The following HPGD variants were observed in gnomAD, a reference collection of about 807,000 sequenced individuals.
HPGD encodes the protein 15-hydroxyprostaglandin dehydrogenase [NAD(+)].
HPGD carries 29 observed loss-of-function variants against 30.0 expected under a neutral mutation model. That is an observed-to-expected ratio of 0.97 (90% CI 0.72 to 1.32). The LOEUF is 1.32. Among genes scored for constraint, HPGD ranks in the 40% most tolerant of loss-of-function variants. The pLI is 0.00. For synonymous variants in HPGD, 99 were observed against 112.4 expected (o/e 0.88, Z 0.75); for missense variants, 340 against 322.1 (o/e 1.06, Z -0.43).
At chr4:174,511,814 A>T (rs1017370429) in intron 3 of HPGD, among the ~76,000 whole-genome samples, 3 of 151,892 alleles carry the variant, frequency 2.0e-5, no homozygotes, top group Non-Finnish European at 4.4e-5. Flanking sequence ...GCCCGGCTAA[A>T]TTTTTGTATT....
At chr4:174,515,314 T>C (rs1735715320) in intron 3 of HPGD, among the ~76,000 whole-genome samples, 1 of 151,964 alleles carries the variant, frequency 6.6e-6, no homozygotes, top group South Asian at 2.1e-4. Flanking sequence ...CAAAAACAGA[T>C]ATATAGACCA....
Position 174,508,686 on chromosome 4 carries a change from T to C in HPGD, c.421+10A>G. The stretch of plus-strand genomic sequence containing the variant: ...GAAAATGTTACATTTAATGTAATAA[T>C]TGCCCTTACCTGCTAAAGATGACAT... On this transcript the variant is annotated intron_variant, in intron 4 of 6. Coordinates refer to ENST00000296522, the MANE Select transcript of HPGD (RefSeq NM_000860.6). 2 of 1,488,168 alleles carry C rather than the reference T, an allele frequency of 1.3e-6. No individual in the cohort carries two copies. The highest frequency in any genetic ancestry group is 1.9e-6 in the Non-Finnish European group (2 of 1,065,382). The allele number at this position is 1,488,168 out of a possible 1,614,324, so 92.2% of individuals were successfully genotyped here.
chr4:174,518,069 TAA>T lies in HPGD; in HGVS notation c.224_225del (p.Phe75Ter). The T allele has an allele frequency of 3.3e-6, 5 of 1,494,730 alleles. No individual in the cohort carries two copies. The highest frequency in any genetic ancestry group is 4.7e-6 in the Non-Finnish European group (5 of 1,071,914). The allele number at this position is 1,494,730 out of a possible 1,614,324, so 92.6% of individuals were successfully genotyped here. On this transcript the variant is annotated frameshift_variant, in exon 3 of 7. Transcript: ENST00000296522. LOFTEE classifies it high-confidence loss of function. ...VADQQQLRDT[F>X]RKVVDHFGRL... Reference sequence around the variant, plus strand: ...CTTCCAAAGTGGTCTACAACTTTTCTAAAAGTGTCTAATTATAAAACAAGATA... The same window carrying T: ...CTTCCAAAGTGGTCTACAACTTTTCTAAGTGTCTAATTATAAAACAAGATA...
At chr4:174,508,403 C>T (rs1473822490) in intron 4 of HPGD, among the ~76,000 whole-genome samples, 1 of 151,998 alleles carries the variant, frequency 6.6e-6, no homozygotes, top group African/African-American at 2.4e-5. Flanking sequence ...TGCATTATTG[C>T]TTAGGAGTCT....
chr4:174,495,239 G>A, intron 5 of HPGD: 1 of 366,550 alleles, frequency 2.7e-6, no homozygotes, highest in South Asian at 2.6e-5. Context: ...TTGCATTTCA[G>A]AAAAGCTGAA....
At position 174,490,300 on chromosome 4, in the gene HPGD, T is replaced by C. The variant is rs968297459; in HGVS notation, c.*1656A>G. The C allele has an allele frequency of 1.3e-5, 2 of 152,370 alleles. No homozygotes were observed. Among genetic ancestry groups the C allele is most frequent in the Non-Finnish European group, 2.9e-5 (2 of 68,038 alleles). The allele number at this position is 152,370 out of a possible 1,614,324, so 9.4% of individuals were successfully genotyped here. ...AGATTTAAAGTAAGTTTTTAACTTA[T>C]GTAACTCACATTTTTCAATTCTACT... On this transcript the variant is annotated 3_prime_UTR_variant, in exon 7 of 7. Coordinates refer to ENST00000296522, the MANE Select transcript of HPGD (RefSeq NM_000860.6). This position sits in a 1 kb window ranked among gnomAD's most constrained non-coding sequence, Gnocchi z 4.4.
chr4:174,516,752 G>A (rs1272793220), intron 3 of HPGD, among the ~76,000 whole-genome samples: 3 of 152,158 alleles, frequency 2.0e-5, no homozygotes, highest in Non-Finnish European at 4.4e-5. Flanking sequence ...TCTTCTCAAG[G>A]TAGGACTTAC....
At chr4:174,513,049 T>A (rs761895035) in intron 3 of HPGD, among the ~76,000 whole-genome samples, 5 of 152,224 alleles carry the variant, frequency 3.3e-5, no homozygotes, top group Non-Finnish European at 7.3e-5. Context: ...TTCTTTACGT[T>A]AGCTGTAATC....
At chr4:174,501,821 C>T (rs1029672009) in intron 4 of HPGD, among the ~76,000 whole-genome samples, 1 of 152,098 alleles carries the variant, frequency 6.6e-6, no homozygotes, top group Non-Finnish European at 1.5e-5. Context: ...TACATTAGTT[C>T]TTCTATTCTT....
chr4:174,507,408 T>G (rs1735241988), intron 4 of HPGD: 1 of 152,120 alleles, frequency 6.6e-6, no homozygotes, highest in Non-Finnish European at 1.5e-5. Flanking sequence ...GGTGGCAGCT[T>G]TACAGTGATA....
rs45521231 is a variant in HPGD at position 174,494,497 on chromosome 4, T to G, written c.498+1051A>C. ...GGTCTTTCAGGTTTACTTTGCTTTGTAAGAGAGCTTTATGTGTTTATAAGA... is the reference window on the plus strand; with the variant it reads ...GGTCTTTCAGGTTTACTTTGCTTTGGAAGAGAGCTTTATGTGTTTATAAGA... On this transcript the variant is annotated intron_variant, in intron 5 of 6. Transcript: ENST00000296522. The surrounding 1 kb of genome is among the most constrained non-coding windows in gnomAD (Gnocchi z 4.9). Among the ~76,000 whole-genome samples the G allele has an allele frequency of 2.1e-3, 315 of 152,340 alleles. No individual in the cohort carries two copies. Among genetic ancestry groups the G allele is most frequent in the Non-Finnish European group, 3.4e-3 (232 of 68,028 alleles).
At chr4:174,507,664 A>C (rs114764767) in intron 4 of HPGD, 1,719 of 153,704 alleles carry the variant, frequency 0.011, 18 homozygotes, top group Non-Finnish European at 0.016. Flanking sequence ...GTCCATGTTG[A>C]TCAGACTTCT....
At chr4:174,517,378 G>T (rs867563717) in intron 3 of HPGD, among the ~76,000 whole-genome samples, 12 of 152,216 alleles carry the variant, frequency 7.9e-5, no homozygotes, top group Middle Eastern at 3.4e-3. Flanking sequence ...TTACATTCTA[G>T]CATTTAATTA....
chr4:174,498,768 T>C (rs1212491793), intron 4 of HPGD, among the ~76,000 whole-genome samples: 1 of 152,190 alleles, frequency 6.6e-6, no homozygotes, highest in African/African-American at 2.4e-5. Flanking sequence ...GTGCTTCTTA[T>C]GTTTTGAACA....
At chr4:174,501,828 T>C (rs575040813) in intron 4 of HPGD, among the ~76,000 whole-genome samples, 20 of 152,296 alleles carry the variant, frequency 1.3e-4, no homozygotes, top group Admixed American at 1.3e-3. Context: ...GTTCTTCTAT[T>C]CTTCATAATC....
chr4:174,508,630 G>T lies in HPGD; in HGVS notation c.421+66C>A. 5.5e-6 allele frequency: 5 copies of T among 904,280 alleles called. No homozygotes were observed. The Admixed American group carries it at 8.5e-5, about 15-fold the overall frequency. 56.0% of individuals were successfully genotyped at this position (904,280 alleles called of 1,614,324 possible). On this transcript the variant is annotated intron_variant, in intron 4 of 6. Coordinates refer to ENST00000296522, the MANE Select transcript of HPGD (RefSeq NM_000860.6). ...GAGCTGATAATAAATATGCTTTGAA[G>T]ATTTGTTTTTGTGGTCCAAATTACC...
At chr4:174,513,078 C>A (rs1204338776) in intron 3 of HPGD, among the ~76,000 whole-genome samples, 1 of 152,140 alleles carries the variant, frequency 6.6e-6, no homozygotes, top group Non-Finnish European at 1.5e-5. Flanking sequence ...CTGTTTCTGA[C>A]AGCTGATTTT....
At chr4:174,502,677 C>CAAAAAAA (rs10694450) in intron 4 of HPGD, among the ~76,000 whole-genome samples, 4 of 98,816 alleles carry the variant, frequency 4.0e-5, no homozygotes, top group Non-Finnish European at 5.9e-5. Context: ...GACTCCGTCT[C>CAAAAAAA]AAAAAAAAAA....
At chr4:174,499,703 A>G (rs1422565980) in intron 4 of HPGD, among the ~76,000 whole-genome samples, 1 of 152,174 alleles carries the variant, frequency 6.6e-6, no homozygotes, top group Non-Finnish European at 1.5e-5. Flanking sequence ...CTTCCTCAGC[A>G]GCAACTAGCA....
Sources: gnomAD v4.1 joint callset for allele counts (sites outside exome capture counted in the v4.1 genomes callset) on GRCh38, gnomAD v4.1.1 for gene constraint, Gnocchi (gnomAD v3.1) non-coding constraint, MANE v1.5 for transcripts, NCBI Gene and HGNC (gene_info 2026-07-23, HGNC 2026-07-21) for gene names.